PCLO: variants seen among roughly 807,000 people sequenced by gnomAD.
PCLO encodes the protein protein piccolo.
PCLO carries 82 observed loss-of-function variants against 427.5 expected under a neutral mutation model. That is an observed-to-expected ratio of 0.19 (90% CI 0.16 to 0.23). The LOEUF is 0.23. Among genes scored for constraint, PCLO ranks in the 10% least tolerant of loss-of-function variants. PCLO has a pLI of 1.00. For missense variants in PCLO, 6,239 were observed against 6,115.9 expected (o/e 1.02, Z -0.67); for synonymous variants, 2,357 against 2,155.4 (o/e 1.09, Z -2.59).
intron 21 of PCLO, among the ~76,000 whole-genome samples, chr7:82,805,239 G>A (rs1348673558): frequency 6.6e-6 from 1 of 152,130 alleles, no homozygotes; most frequent in South Asian, 2.1e-4. Context: ...TAGTTGAAAA[G>A]TCTGTATGAT....
At chr7:82,912,384 A>G (rs1794344333) in intron 7 of PCLO, among the ~76,000 whole-genome samples, 1 of 151,880 alleles carries the variant, frequency 6.6e-6, no homozygotes, top group Non-Finnish European at 1.5e-5. Flanking sequence ...CTTATGTGAT[A>G]CATAAACAAA....
chr7:83,122,564 T>C (rs1332283212), intron 3 of PCLO, among the ~76,000 whole-genome samples: 6 of 152,038 alleles, frequency 3.9e-5, no homozygotes, highest in Admixed American at 3.3e-4. Flanking sequence ...GGGATTACAG[T>C]GGTGAGCCAC....
intron 9 of PCLO, among the ~76,000 whole-genome samples, chr7:82,899,169 T>TA (rs932524647): frequency 6.6e-6 from 1 of 151,452 alleles, no homozygotes; most frequent in African/African-American, 2.4e-5. Context: ...TTTATCAATT[T>TA]AAAAAATACA....
chr7:83,085,667 T>G (rs1005989638), intron 3 of PCLO, among the ~76,000 whole-genome samples: 14 of 152,126 alleles, frequency 9.2e-5, no homozygotes, highest in Admixed American at 3.3e-4. Flanking sequence ...GTTTGAAAAA[T>G]TCAGTTTCCT....
At position 83,035,609 on chromosome 7, in the gene PCLO, CT is replaced by C. The variant is rs949966251; in HGVS notation, c.3301-69123del. 8.5e-4 allele frequency among the ~76,000 whole-genome samples: 130 copies of C among 152,114 alleles called. 1 individual carries two copies. The Middle Eastern group carries it at 0.024, about 28-fold the overall frequency. On this transcript the variant is annotated intron_variant, in intron 3 of 24. Transcript: ENST00000333891. ...TATATTAATCTCTGTACTCTAAGAC[CT>C]TTTTTTAAAATCCAGTCTTGATCTT...
At chr7:82,827,762 CT>C (rs1345012382) in intron 17 of PCLO, 110 bp downstream of exon 17, 29 of 583,706 alleles carry the variant, frequency 5.0e-5, no homozygotes, top group Admixed American at 1.0e-4. Flanking sequence ...TTTTACTCAA[CT>C]TTTTTTGTTT....
rs200309741 is a variant in PCLO, at chr7:82,954,278, T to C, written c.6675A>G (p.Glu2225=). The change falls in exon 5 of 25, where the codon GAA becomes GAG. Residue 2225 remains glutamate (E), a synonymous_variant. Transcript: ENST00000333891. ...CTGGAAAATAAGTTGATGAAGAAATTTCCTCAGAATCTTCAAATTTAGTTA... is the reference window on the plus strand; with the variant it reads ...CTGGAAAATAAGTTGATGAAGAAATCTCCTCAGAATCTTCAAATTTAGTTA... ...DMITKFEDSE[E]ISSSTYFPGS... is the part of the protein sequence containing the mutation. 2 of 1,613,714 alleles carry C rather than the reference T, an allele frequency of 1.2e-6. No individual in the cohort carries two copies. Among genetic ancestry groups the C allele is most frequent in the Admixed American group, 1.7e-5 (1 of 59,992 alleles).
At chr7:83,016,705 G>A (rs1157459933) in intron 3 of PCLO, among the ~76,000 whole-genome samples, 1 of 152,062 alleles carries the variant, frequency 6.6e-6, no homozygotes, top group Non-Finnish European at 1.5e-5. Context: ...AAAGTACTAT[G>A]TGTAACATGG....
chr7:82,864,023 T>C (rs1793031199), intron 10 of PCLO, among the ~76,000 whole-genome samples: 1 of 152,020 alleles, frequency 6.6e-6, no homozygotes. Context: ...ACCCCCATAG[T>C]TTTAGAAACC....
At chr7:82,925,929 G>A (rs184813186) in intron 6 of PCLO, among the ~76,000 whole-genome samples, 59 of 151,204 alleles carry the variant, frequency 3.9e-4, no homozygotes, top group Admixed American at 2.2e-3. Flanking sequence ...ATGTTGCCCC[G>A]GCTGGTCTCA....
At chr7:83,124,964 C>G (rs958697994) in intron 3 of PCLO, among the ~76,000 whole-genome samples, 1 of 152,128 alleles carries the variant, frequency 6.6e-6, no homozygotes, top group Admixed American at 6.5e-5. Flanking sequence ...CCGTGTTGGC[C>G]GGGCTGGTCT....
chr7:82,785,273 A>G (rs1790961789), intron 22 of PCLO, among the ~76,000 whole-genome samples: 1 of 152,014 alleles, frequency 6.6e-6, no homozygotes, highest in African/African-American at 2.4e-5. Context: ...GATCCATCAC[A>G]TGCGCAGTTC....
Position 82,915,267 on chromosome 7 carries a change from T to A in PCLO, c.12719A>T (p.Asp4240Val). Reference protein sequence around the residue: ...ISSRARLLQDDITFGLRKNIT... With the variant: ...ISSRARLLQDVITFGLRKNIT... ...ATTTTTTCTGAGGCCAAAAGTGATG[T>A]CATCTTGAAGGAGCCTTGCCCTGGA... is the stretch of plus-strand genomic sequence containing the variant. Residue 4240 changes from aspartate (D) to valine (V), a missense_variant, in exon 7 of 25, where the codon GAC becomes GTC. By Grantham distance (152) the Asp-to-Val change is radical. This residue lies in a region of PCLO where 680 missense variants were observed against 677.3 expected (regional missense o/e 1.00). Coordinates refer to ENST00000333891, the MANE Select transcript of PCLO (RefSeq NM_033026.6). 1 of 1,613,586 alleles carries A rather than the reference T, an allele frequency of 6.2e-7. No individual in the cohort carries two copies. The highest frequency in any genetic ancestry group is 8.5e-7 in the Non-Finnish European group (1 of 1,179,716).
intron 9 of PCLO, among the ~76,000 whole-genome samples, chr7:82,899,478 C>T (rs187538927): frequency 1.3e-5 from 2 of 151,158 alleles, no homozygotes; most frequent in Admixed American, 1.3e-4. Flanking sequence ...TTTTAAAAGA[C>T]TTAATTTAGT....
At chr7:83,065,984 T>G (rs1290126534) in intron 3 of PCLO, among the ~76,000 whole-genome samples, 2 of 152,142 alleles carry the variant, frequency 1.3e-5, no homozygotes, top group Non-Finnish European at 2.9e-5. Flanking sequence ...AATTGTATTC[T>G]GCCTGCTGTA....
Position 82,952,151 on chromosome 7 carries a change from T to C in PCLO, c.8802A>G (p.Ala2934=). 6.3e-7 allele frequency: 1 copy of C among 1,598,050 alleles called. No homozygotes were observed. Among genetic ancestry groups the C allele is most frequent in the Non-Finnish European group, 8.5e-7 (1 of 1,175,884 alleles). The change falls in exon 5 of 25, where the codon GCA becomes GCG. Residue 2934 remains alanine, a synonymous_variant. Coordinates refer to ENST00000333891, the MANE Select transcript of PCLO (RefSeq NM_033026.6). ...CATCACAGCACACAGCTCTTCTCCC[T>C]GCGGTTAAATCAACGGGTTTTTCAT... ...IEDEKPVDLT[A]GRRAVCCDVV...
chr7:83,134,218 A>AATATAT lies in PCLO; in HGVS notation c.3300+26_3300+31dup, dbSNP rs61658777. 0.16 allele frequency: 67,088 copies of AATATAT among 424,892 alleles called. 4,240 individuals are homozygous for AATATAT. The highest frequency in any genetic ancestry group is 0.33 in the East Asian group (4,474 of 13,736). 26.3% of individuals were successfully genotyped at this position (424,892 alleles called of 1,614,324 possible). A position where few individuals can be genotyped will look rare whatever the true frequency, so the allele number is the denominator to read the frequency against. ...AACCCACAGACTCACCTCCATATGTAATATATATATATATATATATATATA... is the reference window on the plus strand; with the variant it reads ...AACCCACAGACTCACCTCCATATGTAATATATATATATATATATATATATATATATA... On this transcript the variant is annotated intron_variant, in intron 3 of 24. Coordinates refer to ENST00000333891, the MANE Select transcript of PCLO (RefSeq NM_033026.6).
At chr7:82,910,268 C>T (rs1405865503) in intron 7 of PCLO, among the ~76,000 whole-genome samples, 2 of 152,032 alleles carry the variant, frequency 1.3e-5, no homozygotes, top group Non-Finnish European at 2.9e-5. Flanking sequence ...TCTTCCAAAA[C>T]CTCCTCCCAA....
chr7:82,935,442 T>G (rs566739639), intron 6 of PCLO, among the ~76,000 whole-genome samples: 3 of 151,428 alleles, frequency 2.0e-5, no homozygotes, highest in South Asian at 2.1e-4. Flanking sequence ...ATAAAATACC[T>G]GTTATTATAA....
Sources: allele counts gnomAD v4.1 joint callset (sites outside exome capture counted in the v4.1 genomes callset), GRCh38; gene constraint gnomAD v4.1.1; regional missense constraint gnomAD v4.1.1; transcripts MANE v1.5; gene names NCBI Gene and HGNC (gene_info 2026-07-23, HGNC 2026-07-21).